UNC13C: variants seen among roughly 807,000 people sequenced by gnomAD.
UNC13C encodes the protein unc-13 homolog C.
Under a neutral mutation model 245.4 loss-of-function variants are expected in UNC13C, and 174 were observed. That is an observed-to-expected ratio of 0.71 (90% CI 0.63 to 0.80). UNC13C has a LOEUF of 0.80. Ranked by LOEUF, UNC13C falls within the 30% of genes least tolerant of loss-of-function variation. The pLI is 0.00. For missense variants in UNC13C, 2,829 were observed against 2,602.9 expected (o/e 1.09, Z -1.89); for synonymous variants, 992 against 895.1 (o/e 1.11, Z -1.93).
chr15:54,392,910 G>GT, intron 17 of UNC13C, 138 bp from the exon 18 acceptor site: 1 of 1,001,446 alleles, frequency 1.0e-6, no homozygotes, highest in South Asian at 2.7e-5. Context: ...AGAAACCTGA[G>GT]TTTAACAGCT....
intron 17 of UNC13C, among the ~76,000 whole-genome samples, chr15:54,381,421 G>C (rs2039722448): frequency 1.3e-5 from 2 of 151,752 alleles, no homozygotes. Context: ...ACACAAAATT[G>C]CTTTGGTTAT....
the UNC13C span, among the ~76,000 whole-genome samples, chr15:53,962,790 A>G: frequency 6.6e-6 from 1 of 152,230 alleles, no homozygotes; most frequent in African/African-American, 2.4e-5. Context: ...ATAGAATCAC[A>G]GAGGTAAGCC....
chr15:54,143,415 C>T (rs886772761), intron 3 of UNC13C, among the ~76,000 whole-genome samples: 9 of 152,116 alleles, frequency 5.9e-5, no homozygotes, highest in African/African-American at 2.2e-4. Context: ...TCTGCCAGTG[C>T]ATTTGTTTAA....
Position 54,107,191 on chromosome 15 carries a change from C to A in UNC13C, c.2984-35827C>A, listed in dbSNP as rs145862786. 3.1e-4 allele frequency among the ~76,000 whole-genome samples: 47 copies of A among 152,112 alleles called. No homozygotes were observed. In the East Asian group the frequency reaches 9.1e-3, roughly 29 times the overall value. Reference sequence around the variant, plus strand: ...TATTTCAAATCTTAATTCCATATTGCAATTATGCCTGAGCCTTTGTCTAAA... The same window carrying A: ...TATTTCAAATCTTAATTCCATATTGAAATTATGCCTGAGCCTTTGTCTAAA... On this transcript the variant is annotated intron_variant, in intron 2 of 32. Coordinates refer to ENST00000260323, the MANE Select transcript of UNC13C (RefSeq NM_001080534.3).
At position 54,053,407 on chromosome 15, in the gene UNC13C, C is replaced by T. The variant is rs958064931; in HGVS notation, c.2983+37521C>T. ...TTTTGCAAAAATACGAATGTAAATT[C>T]CACAGTTAACAAATAACCTGAGTGT... On this transcript the variant is annotated intron_variant, in intron 2 of 32. Transcript: ENST00000260323. Among the ~76,000 whole-genome samples, 4 of 152,208 alleles carry T rather than the reference C, an allele frequency of 2.6e-5. No individual in the cohort carries two copies. The South Asian group carries it at 8.3e-4, about 32-fold the overall frequency.
intron 2 of UNC13C, among the ~76,000 whole-genome samples, chr15:54,094,207 C>T (rs1030672503): frequency 2.6e-5 from 4 of 152,132 alleles, no homozygotes; most frequent in African/African-American, 9.7e-5. Flanking sequence ...CTGTCTGAGA[C>T]GTCTCCGCTA....
At chr15:54,498,469 T>C (rs572556128) in intron 20 of UNC13C, among the ~76,000 whole-genome samples, 28 of 152,210 alleles carry the variant, frequency 1.8e-4, no homozygotes, top group South Asian at 1.7e-3. Context: ...TTACAAAATA[T>C]TTTGAATTAA....
At chr15:54,029,772 C>T (rs1011531626) in intron 2 of UNC13C, among the ~76,000 whole-genome samples, 3 of 152,140 alleles carry the variant, frequency 2.0e-5, no homozygotes, top group Admixed American at 1.3e-4. Flanking sequence ...CAGAGGTTCC[C>T]GGGACCCTAT....
chr15:54,484,093 A>AC (rs397950490), intron 19 of UNC13C, among the ~76,000 whole-genome samples: 2 of 148,738 alleles, frequency 1.3e-5, no homozygotes, highest in African/African-American at 2.5e-5. Context: ...AAAAAAAAAA[A>AC]CCAGCATCTA....
At chr15:54,412,468 G>A (rs577039530) in intron 18 of UNC13C, among the ~76,000 whole-genome samples, 1 of 152,100 alleles carries the variant, frequency 6.6e-6, no homozygotes, top group Non-Finnish European at 1.5e-5. Context: ...GCCCCCATGG[G>A]GATTACAGAT....
intron 30 of UNC13C, among the ~76,000 whole-genome samples, chr15:54,574,706 T>C (rs1897886768): frequency 6.6e-6 from 1 of 152,204 alleles, no homozygotes; most frequent in Non-Finnish European, 1.5e-5. Context: ...CCTATGTGAA[T>C]TAAAATACAA....
rs917006598 is a variant in UNC13C at position 54,628,494 on chromosome 15, A to G, written c.*1381A>G. The G allele has an allele frequency of 6.6e-6, 1 of 152,566 alleles. No individual in the cohort carries two copies. The highest frequency in any genetic ancestry group is 1.5e-5 in the Non-Finnish European group (1 of 68,016). The allele number at this position is 152,566 out of a possible 1,614,324, so 9.5% of individuals were successfully genotyped here. On this transcript the variant is annotated 3_prime_UTR_variant, in exon 33 of 33. Transcript: ENST00000260323. ...AATCACAGACCAGTGAGGTGAGCTA[A>G]TTCATGTTAAACTGTTAGGCCACTG...
chr15:53,934,744 G>A, the UNC13C span, among the ~76,000 whole-genome samples: 39 of 152,182 alleles, frequency 2.6e-4, no homozygotes, highest in Non-Finnish European at 2.4e-4. Context: ...CACCGACACA[G>A]TCAGTGTCTG....
chr15:54,047,222 A>T lies in UNC13C; in HGVS notation c.2983+31336A>T, dbSNP rs377395315. Reference sequence around the variant, plus strand: ...GAAAGGAGTGAGGAGAAGCCTTCTTACCCATTTTAGGTACATTTTTAAAAT... The same window carrying T: ...GAAAGGAGTGAGGAGAAGCCTTCTTTCCCATTTTAGGTACATTTTTAAAAT... On this transcript the variant is annotated intron_variant, in intron 2 of 32. Coordinates refer to ENST00000260323, the MANE Select transcript of UNC13C (RefSeq NM_001080534.3). Among the ~76,000 whole-genome samples the T allele has an allele frequency of 9.2e-5, 14 of 152,194 alleles. No individual in the cohort carries two copies. The South Asian group carries it at 2.1e-3, about 23-fold the overall frequency.
At chr15:54,598,389 C>T (rs2141267220) in intron 30 of UNC13C, among the ~76,000 whole-genome samples, 1 of 152,338 alleles carries the variant, frequency 6.6e-6, no homozygotes, top group African/African-American at 2.4e-5. Flanking sequence ...GCCACCGCGC[C>T]CAGCCTGAAG....
chr15:54,182,191 A>G (rs2033824128), intron 4 of UNC13C, among the ~76,000 whole-genome samples: 1 of 151,782 alleles, frequency 6.6e-6, no homozygotes, highest in Non-Finnish European at 1.5e-5. Flanking sequence ...AACTCTTATT[A>G]TTTTGTGGCA....
chr15:54,609,917 A>G (rs1899984615), intron 30 of UNC13C, among the ~76,000 whole-genome samples: 1 of 152,136 alleles, frequency 6.6e-6, no homozygotes, highest in South Asian at 2.1e-4. Flanking sequence ...AGCAAAGGGG[A>G]AAAAGCTCCT....
the UNC13C span, among the ~76,000 whole-genome samples, chr15:53,840,948 A>C: frequency 6.6e-6 from 1 of 152,136 alleles, no homozygotes; most frequent in Non-Finnish European, 1.5e-5. Flanking sequence ...CCAGTGTAGT[A>C]ACTGCAAGTG....
At chr15:54,437,032 C>A (rs373459905) in intron 19 of UNC13C, among the ~76,000 whole-genome samples, 2 of 151,886 alleles carry the variant, frequency 1.3e-5, no homozygotes, top group South Asian at 4.1e-4. Context: ...ATTTACATTT[C>A]TCTGATGGCT....
Sources: gnomAD v4.1 joint callset for allele counts (sites outside exome capture counted in the v4.1 genomes callset) on GRCh38, gnomAD v4.1.1 for gene constraint, MANE v1.5 for transcripts, NCBI Gene and HGNC (gene_info 2026-07-23, HGNC 2026-07-21) for gene names.